The following PSMG4 variants were observed in gnomAD, a reference collection of about 807,000 sequenced individuals.
PSMG4 encodes proteasome (prosome, macropain) assembly chaperone 4.
In PSMG4, 10 loss-of-function variants were observed where a neutral mutation model predicts 11.0. That is an observed-to-expected ratio of 0.91 (90% CI 0.56 to 1.54). PSMG4 has a LOEUF of 1.54. Among genes scored for constraint, PSMG4 ranks in the 40% most tolerant of loss-of-function variants. The probability of loss-of-function intolerance (pLI) is 0.00; values close to 1 mark genes in which losing one functional copy is unlikely to be tolerated. For synonymous variants in PSMG4, 95 were observed against 71.3 expected (o/e 1.33, Z -1.68); for missense variants, 198 against 160.9 (o/e 1.23, Z -1.25).
chr6:3,259,220 GCGGGCGGC>G, intron 1 of PSMG4, 24 bp downstream of exon 1: 1 of 1,270,560 alleles, frequency 7.9e-7, no homozygotes, highest in Non-Finnish European at 9.9e-7. Flanking sequence ...GGCCGAGGGT[GCGGGCGGC>G]GGGGCGGGGG....
At chr6:3,263,544 T>C in intron 1 of PSMG4, 140 bp from the exon 2 acceptor site, 1 of 676,380 alleles carries the variant, frequency 1.5e-6, no homozygotes, top group Non-Finnish European at 2.4e-6. Flanking sequence ...ACGCCACCCC[T>C]CTTTCCCTCG....
At chr6:3,255,219 A>G, upstream of PSMG4, 4 of 1,549,982 alleles carry the variant, frequency 2.6e-6, no homozygotes, top group Non-Finnish European at 3.5e-6. Context: ...GCAGGAGCAA[A>G]ATCAACTCTG....
At chr6:3,259,761 GC>G (rs1442383405) in intron 1 of PSMG4, among the ~76,000 whole-genome samples, 1 of 152,136 alleles carries the variant, frequency 6.6e-6, no homozygotes, top group Non-Finnish European at 1.5e-5. Flanking sequence ...GCCAGTCAAA[GC>G]AGACAAAACC....
upstream of PSMG4, among the ~76,000 whole-genome samples, chr6:3,255,988 A>G (rs372128319): frequency 7.2e-5 from 11 of 152,368 alleles, no homozygotes; most frequent in East Asian, 1.5e-3. Context: ...CTGCTATGGC[A>G]GCCACAATGG....
In PSMG4 at chr6:3,263,708, C is replaced by G. The variant is rs537732543; in HGVS notation, c.199C>G (p.Leu67Val). The G allele has an allele frequency of 1.9e-6, 3 of 1,550,744 alleles. No individual in the cohort carries two copies. The highest frequency in any genetic ancestry group is 2.7e-5 in the African/African-American group (2 of 73,030). Residue 67 changes from leucine to valine, a missense_variant, in exon 2 of 3, where the codon CTC becomes GTC. Leu to Val is a conservative substitution (Grantham distance 32). Coordinates refer to ENST00000438998, the MANE Select transcript of PSMG4 (RefSeq NM_001128591.2). ...RYDSIPVSTS[L>V]LGDTSDTTST... ...GGACTCCATCCCCGTGTCTACCTCC[C>G]TCCTTGGAGACACTTCCGACACGAC...
chr6:3,261,037 GCT>G (rs1019604378), intron 1 of PSMG4, among the ~76,000 whole-genome samples: 1 of 152,050 alleles, frequency 6.6e-6, no homozygotes, highest in Admixed American at 6.5e-5. Flanking sequence ...CTGATGCACC[GCT>G]CTCTAAGTCC....
upstream of PSMG4, among the ~76,000 whole-genome samples, chr6:3,255,715 AGG>A (rs1365124244): frequency 6.6e-6 from 1 of 152,258 alleles, no homozygotes; most frequent in African/African-American, 2.4e-5. Flanking sequence ...GAACTGAAGA[AGG>A]GGTATTGGTA....
At chr6:3,257,210 G>A (rs1279279806), upstream of PSMG4, among the ~76,000 whole-genome samples, 3 of 152,204 alleles carry the variant, frequency 2.0e-5, no homozygotes, top group Non-Finnish European at 4.4e-5. Flanking sequence ...GGTTTGGGGA[G>A]CATAGTCAAG....
intron 1 of PSMG4, among the ~76,000 whole-genome samples, chr6:3,260,908 C>T (rs1757966964): frequency 6.6e-6 from 1 of 152,242 alleles, no homozygotes; most frequent in Admixed American, 6.5e-5. Flanking sequence ...GAGCTCCTGC[C>T]TGTCCTCGAG....
intron 1 of PSMG4, among the ~76,000 whole-genome samples, chr6:3,259,715 C>T (rs891937113): frequency 6.6e-6 from 1 of 152,208 alleles, no homozygotes; most frequent in Non-Finnish European, 1.5e-5. Context: ...ATTCCTCTTT[C>T]TTCACACTCC....
At chr6:3,254,572 C>G (rs4997135), upstream of PSMG4, among the ~76,000 whole-genome samples, 2 of 151,454 alleles carry the variant, frequency 1.3e-5, no homozygotes, top group Non-Finnish European at 2.9e-5. Context: ...GTTTGTGAGG[C>G]TGGGAACCCA....
intron 2 of PSMG4, chr6:3,266,731 G>GCGCACA (rs111315023): frequency 0.86 from 128,512 of 150,302 alleles, 55,180 homozygotes; most frequent in Non-Finnish European, 0.87. Flanking sequence ...GCCTATCTGT[G>GCGCACA]CACACACACA....
chr6:3,263,880 T>G, intron 2 of PSMG4, 121 bp downstream of exon 2: 1 of 1,469,560 alleles, frequency 6.8e-7, no homozygotes, highest in Non-Finnish European at 9.0e-7. Flanking sequence ...ACCTCATTGC[T>G]GCTGGGAAGC....
At chr6:3,267,393 T>C in intron 2 of PSMG4, 198 bp from the exon 3 acceptor site, 1 of 442,742 alleles carries the variant, frequency 2.3e-6, no homozygotes, top group East Asian at 4.3e-5. Flanking sequence ...CTGGGTCTGG[T>C]GGAGAGACTG....
upstream of PSMG4, among the ~76,000 whole-genome samples, chr6:3,254,549 ATT>A (rs1333304794): frequency 3.3e-5 from 5 of 151,434 alleles, no homozygotes; most frequent in African/African-American, 1.2e-4. Context: ...AGGTGTGCAG[ATT>A]TGTTCTCGGG....
At chr6:3,262,887 C>T (rs1400748251) in intron 1 of PSMG4, among the ~76,000 whole-genome samples, 1 of 144,672 alleles carries the variant, frequency 6.9e-6, no homozygotes, top group Non-Finnish European at 1.5e-5. Context: ...ACTTCATTGT[C>T]CAGGCTGGTC....
intron 1 of PSMG4, 29 bp downstream of exon 1, chr6:3,259,225 C>G (rs1402156986): frequency 5.9e-6 from 7 of 1,182,570 alleles, no homozygotes; most frequent in Non-Finnish European, 7.3e-6. Flanking sequence ...AGGGTGCGGG[C>G]GGCGGGGCGG....
upstream of PSMG4, among the ~76,000 whole-genome samples, chr6:3,257,637 G>A (rs1355742462): frequency 6.6e-6 from 1 of 152,108 alleles, no homozygotes; most frequent in Admixed American, 6.5e-5. Context: ...AAAGAAGCTG[G>A]ACAAAAAACA....
At chr6:3,254,828 T>G (rs1025779868), upstream of PSMG4, among the ~76,000 whole-genome samples, 2 of 152,198 alleles carry the variant, frequency 1.3e-5, no homozygotes. Context: ...CTGGACACAG[T>G]GGGACCTTAG....
Sources: allele counts gnomAD v4.1 joint callset (sites outside exome capture counted in the v4.1 genomes callset), GRCh38; gene constraint gnomAD v4.1.1; transcripts MANE v1.5; gene names NCBI Gene and HGNC (gene_info 2026-07-23, HGNC 2026-07-21).